The following CHRDL1 variants were observed in gnomAD, a reference collection of about 807,000 sequenced individuals.
CHRDL1 encodes chordin like 1, also known as chordin-like protein 1.
A neutral mutation model predicts 40.9 loss-of-function variants in CHRDL1; 19 were observed. That is an observed-to-expected ratio of 0.46 (90% confidence interval 0.32 to 0.68). CHRDL1 has a LOEUF of 0.68. CHRDL1 is among the 30% of genes least tolerant of loss of function. The pLI is 0.03. For missense variants in CHRDL1, 329 were observed against 352.1 expected (o/e 0.93, Z 0.53); for synonymous variants, 136 against 123.4 (o/e 1.10, Z -0.68).
rs779902885 is a variant in CHRDL1 at position 110,714,219 on chromosome X, A to C, written c.541+5616T>G. ...TGTTACTTCCTTCTTTGTGTTCGTA[A>C]GTTCTCATCATTTAGCTCCCACTTA... On this transcript the variant is annotated intron_variant, in intron 6 of 11. Transcript: ENST00000372042. Among the ~76,000 whole-genome samples, 64 of 110,285 alleles carry C rather than the reference A, an allele frequency of 5.8e-4. 1 individual carries two copies. Among genetic ancestry groups the C allele is most frequent in the Non-Finnish European group, 1.5e-4 (8 of 52,835 alleles).
chrX:110,738,711 C>T (rs1440307861), intron 4 of CHRDL1, among the ~76,000 whole-genome samples: 1 of 104,003 alleles, frequency 9.6e-6, no homozygotes, highest in East Asian at 3.0e-4. Flanking sequence ...CACTACACTC[C>T]AGCCTGGGTG....
chrX:110,708,412 G>A (rs1282384576), intron 6 of CHRDL1, among the ~76,000 whole-genome samples: 1 of 110,543 alleles, frequency 9.0e-6, no homozygotes, highest in East Asian at 2.8e-4. Flanking sequence ...AATGATAGAT[G>A]GGATAAAGAA....
At chrX:110,686,586 G>C (rs1013662437) in intron 9 of CHRDL1, among the ~76,000 whole-genome samples, 2 of 111,258 alleles carry the variant, frequency 1.8e-5, no homozygotes, top group Non-Finnish European at 3.8e-5. Flanking sequence ...AGTCATAATA[G>C]GTCATTGTTG....
chrX:110,791,295 C>T (rs1338169851), intron 2 of CHRDL1, among the ~76,000 whole-genome samples: 1 of 111,474 alleles, frequency 9.0e-6, no homozygotes, highest in Non-Finnish European at 1.9e-5. Context: ...AAATTTAGAG[C>T]AAGCATCTAC....
chrX:110,792,705 G>A (rs1569485966), intron 1 of CHRDL1, among the ~76,000 whole-genome samples: 1 of 111,314 alleles, frequency 9.0e-6, no homozygotes, highest in East Asian at 2.8e-4. Context: ...AGTTTCTCCT[G>A]TGTCCTCTAT....
chrX:110,676,724 G>A (rs1352746267), intron 11 of CHRDL1, among the ~76,000 whole-genome samples: 1 of 110,940 alleles, frequency 9.0e-6, no homozygotes, highest in Non-Finnish European at 1.9e-5. Flanking sequence ...AGCTTACTTG[G>A]CACCAGGTCA....
intron 10 of CHRDL1, 114 bp from the exon 11 acceptor site, chrX:110,679,539 C>T (rs1450372739): frequency 2.1e-5 from 11 of 519,593 alleles, no homozygotes; most frequent in Non-Finnish European, 3.7e-5. Flanking sequence ...TTAAGAGTAT[C>T]GAGTTGGGCT....
At chrX:110,721,253 G>A in intron 5 of CHRDL1, 132 bp downstream of exon 5, 1 of 650,619 alleles carries the variant, frequency 1.5e-6, no homozygotes, top group Admixed American at 2.5e-5. Context: ...TTGTCAAGGA[G>A]GCTTATGATT....
At chrX:110,733,961 A>T (rs927928289) in intron 4 of CHRDL1, among the ~76,000 whole-genome samples, 1 of 107,931 alleles carries the variant, frequency 9.3e-6, no homozygotes, top group Non-Finnish European at 1.9e-5. Context: ...AAAAAAAGGA[A>T]CAGAGCATGG....
chrX:110,713,800 C>T (rs888522715), intron 6 of CHRDL1, among the ~76,000 whole-genome samples: 1 of 112,471 alleles, frequency 8.9e-6, no homozygotes, highest in Non-Finnish European at 1.9e-5. Flanking sequence ...TTGTCTGGCA[C>T]ATTGTACGTG....
At chrX:110,710,045 A>T (rs910786949) in intron 6 of CHRDL1, among the ~76,000 whole-genome samples, 2 of 111,809 alleles carry the variant, frequency 1.8e-5, no homozygotes, top group African/African-American at 6.5e-5. Context: ...CTGTGCTACC[A>T]CATCCATGAA....
intron 2 of CHRDL1, among the ~76,000 whole-genome samples, chrX:110,776,930 T>C (rs1039416456): frequency 6.3e-5 from 7 of 111,342 alleles, no homozygotes; most frequent in Non-Finnish European, 1.3e-4. Flanking sequence ...TATAATGACA[T>C]GTATCCACTA....
intron 2 of CHRDL1, among the ~76,000 whole-genome samples, chrX:110,774,254 CTG>C (rs2089809014): frequency 8.9e-6 from 1 of 111,808 alleles, no homozygotes. Context: ...TTTAACCCAT[CTG>C]TGTCTTTATA....
intron 2 of CHRDL1, among the ~76,000 whole-genome samples, chrX:110,782,718 A>G (rs1407778437): frequency 8.9e-6 from 1 of 112,366 alleles, no homozygotes; most frequent in East Asian, 2.8e-4. Context: ...GGGCTTTGAA[A>G]TCTTGATGGG....
rs768158075 is a variant in CHRDL1 at position 110,742,333 on chromosome X, T to C, written c.301+17328A>G. Among the ~76,000 whole-genome samples, 5 of 112,116 alleles carry C rather than the reference T, an allele frequency of 4.5e-5. No homozygotes were observed. The East Asian group carries it at 1.4e-3, about 32-fold the overall frequency. The stretch of plus-strand genomic sequence containing the variant: ...GCTTTTTTATCAGCCTGCCAGGCTG[T>C]TGCACAGGCTTCTCTAATGTATACC... On this transcript the variant is annotated intron_variant, in intron 4 of 11. Coordinates refer to ENST00000372042, the MANE Select transcript of CHRDL1 (RefSeq NM_001143981.2).
At chrX:110,788,215 G>A (rs2090045908) in intron 2 of CHRDL1, among the ~76,000 whole-genome samples, 1 of 111,849 alleles carries the variant, frequency 8.9e-6, no homozygotes, top group Non-Finnish European at 1.9e-5. Context: ...CAGTATTTTC[G>A]GGTTTCCTGA....
At chrX:110,698,010 T>G (rs764153853) in intron 7 of CHRDL1, among the ~76,000 whole-genome samples, 1 of 111,689 alleles carries the variant, frequency 9.0e-6, no homozygotes, top group South Asian at 3.8e-4. Context: ...TCCTGTGCAC[T>G]TCATAAAACT....
chrX:110,690,376 A>G (rs2070250919), intron 8 of CHRDL1, among the ~76,000 whole-genome samples: 1 of 108,711 alleles, frequency 9.2e-6, no homozygotes, highest in Admixed American at 1.0e-4. Flanking sequence ...ATATATATAT[A>G]TGAGAATAAA....
At chrX:110,720,555 G>A (rs1460115934) in intron 5 of CHRDL1, among the ~76,000 whole-genome samples, 1 of 111,578 alleles carries the variant, frequency 9.0e-6, no homozygotes, top group Admixed American at 9.5e-5. Flanking sequence ...TTCTTTTGGG[G>A]CTAGAATGAT....
Sources: gnomAD v4.1 joint callset for allele counts (sites outside exome capture counted in the v4.1 genomes callset) on GRCh38, gnomAD v4.1.1 for gene constraint, MANE v1.5 for transcripts, NCBI Gene and HGNC (gene_info 2026-07-23, HGNC 2026-07-21) for gene names.